Variants in CSMD3 observed in about 807,000 individuals in gnomAD.
The protein encoded by CSMD3 is CUB and sushi domain-containing protein 3.
Under a neutral mutation model 435.2 loss-of-function variants are expected in CSMD3, and 177 were observed. The observed-to-expected ratio is 0.41, with a 90% CI of 0.36 to 0.46. The LOEUF is 0.46. Ranked by LOEUF, CSMD3 falls within the 20% of genes least tolerant of loss-of-function variation. The pLI is 0.34. For synonymous variants in CSMD3, 1,656 were observed against 1,520.5 expected, an observed-to-expected ratio of 1.09 and a Z score of -2.07; for missense variants, 4,265 against 4,504.6, an observed-to-expected ratio of 0.95 and a Z score of 1.52.
At chr8:112,745,416 A>G (rs1028899994) in intron 13 of CSMD3, among the ~76,000 whole-genome samples, 8 of 152,080 alleles carry the variant, frequency 5.3e-5, no homozygotes, top group Non-Finnish European at 8.8e-5. Context: ...TATTTTTTCA[A>G]ATGTAAAAAA....
intron 4 of CSMD3, among the ~76,000 whole-genome samples, chr8:113,119,116 T>C (rs1318852975): frequency 6.6e-6 from 1 of 152,154 alleles, no homozygotes; most frequent in Non-Finnish European, 1.5e-5. Context: ...AGGCTACCTC[T>C]CACTCTGCTC....
chr8:112,375,010 T>C (rs72674755), intron 38 of CSMD3, among the ~76,000 whole-genome samples: 27,931 of 152,068 alleles, frequency 0.18, 3,076 homozygotes, highest in Middle Eastern at 0.35. Flanking sequence ...CTCTGGACCA[T>C]TAGGAGAGTT....
At chr8:113,290,691 A>G (rs1045107986) in intron 2 of CSMD3, among the ~76,000 whole-genome samples, 1 of 151,690 alleles carries the variant, frequency 6.6e-6, no homozygotes, top group Admixed American at 6.6e-5. Context: ...ATGAGAATGC[A>G]GTGACATGGA....
chr8:113,138,677 A>G (rs1372140227), intron 4 of CSMD3, among the ~76,000 whole-genome samples: 1 of 151,340 alleles, frequency 6.6e-6, no homozygotes, highest in Non-Finnish European at 1.5e-5. Context: ...GGGATTTCAG[A>G]TACAGGCAAA....
intron 58 of CSMD3, among the ~76,000 whole-genome samples, chr8:112,284,226 G>C (rs995196140): frequency 3.3e-5 from 5 of 151,602 alleles, no homozygotes; most frequent in African/African-American, 4.8e-5. Flanking sequence ...CTTCAAATTT[G>C]CATTTCTCTA....
chr8:112,658,672 T>C (rs2075309985), intron 17 of CSMD3, among the ~76,000 whole-genome samples: 1 of 152,026 alleles, frequency 6.6e-6, no homozygotes, highest in African/African-American at 2.4e-5. Context: ...AAATTGTCAA[T>C]CTAGGCCAGG....
chr8:113,246,439 T>C (rs2132272191), intron 3 of CSMD3, among the ~76,000 whole-genome samples: 1 of 152,240 alleles, frequency 6.6e-6, no homozygotes, highest in Non-Finnish European at 1.5e-5. Flanking sequence ...TGTATATCTT[T>C]TTATTGTTAT....
At chr8:112,668,479 A>G (rs956601264) in intron 16 of CSMD3, among the ~76,000 whole-genome samples, 1 of 152,160 alleles carries the variant, frequency 6.6e-6, no homozygotes, top group African/African-American at 2.4e-5. Flanking sequence ...ATGGGCCATA[A>G]AGAATTAAAA....
At chr8:112,261,804 T>G (rs1816428308) in intron 61 of CSMD3, among the ~76,000 whole-genome samples, 1 of 152,090 alleles carries the variant, frequency 6.6e-6, no homozygotes, top group African/African-American at 2.4e-5. Context: ...GTACTCCATA[T>G]CCTCACTAAT....
At chr8:112,631,697 T>A (rs13259943) in intron 22 of CSMD3, among the ~76,000 whole-genome samples, 73,833 of 151,792 alleles carry the variant, frequency 0.49, 18,523 homozygotes, top group African/African-American at 0.58. Flanking sequence ...GAAGCTTTTA[T>A]ATTGTTAAGC....
chr8:112,255,193 T>C, intron 62 of CSMD3, 61 bp downstream of exon 62: 1 of 1,386,128 alleles, frequency 7.2e-7, no homozygotes, highest in East Asian at 2.3e-5. Context: ...AGAAAACCAT[T>C]AAATGTCACC....
At chr8:112,687,094 A>C (rs2076029532) in intron 14 of CSMD3, among the ~76,000 whole-genome samples, 2 of 152,106 alleles carry the variant, frequency 1.3e-5, no homozygotes, top group Non-Finnish European at 2.9e-5. Flanking sequence ...TTAGTATGAC[A>C]AAGGATATGA....
chr8:113,366,134 G>A (rs67786444), intron 1 of CSMD3, among the ~76,000 whole-genome samples: 14,911 of 151,840 alleles, frequency 0.098, 846 homozygotes, highest in Middle Eastern at 0.16. Flanking sequence ...AGTATTTTAG[G>A]CAACATTACC....
At chr8:112,517,634 C>T (rs190049305) in intron 27 of CSMD3, among the ~76,000 whole-genome samples, 55 of 151,788 alleles carry the variant, frequency 3.6e-4, no homozygotes, top group African/African-American at 1.3e-3. Context: ...TTAATGAAAA[C>T]GATATCAGAA....
At chr8:112,447,355 T>C (rs1815721547) in intron 32 of CSMD3, among the ~76,000 whole-genome samples, 1 of 152,192 alleles carries the variant, frequency 6.6e-6, no homozygotes, top group African/African-American at 2.4e-5. Context: ...TTTTAATTCA[T>C]GGCCTATTTT....
chr8:112,598,679 C>T (rs1430370611), intron 22 of CSMD3, among the ~76,000 whole-genome samples: 2 of 149,348 alleles, frequency 1.3e-5, no homozygotes, highest in African/African-American at 4.9e-5. Flanking sequence ...AGATATAGAT[C>T]AATGGAACAG....
intron 2 of CSMD3, among the ~76,000 whole-genome samples, chr8:113,308,369 C>G (rs1416827053): frequency 1.4e-5 from 2 of 141,434 alleles, no homozygotes; most frequent in African/African-American, 5.2e-5. Flanking sequence ...CCCGGGTTCA[C>G]GCCATTCTCC....
intron 9 of CSMD3, among the ~76,000 whole-genome samples, chr8:112,926,695 A>G (rs1398212683): frequency 6.6e-6 from 1 of 152,112 alleles, no homozygotes; most frequent in Non-Finnish European, 1.5e-5. Context: ...TAGTGAATCT[A>G]TAATTTTATT....
At chr8:112,310,915 A>G (rs1821919514) in intron 50 of CSMD3, 63 bp downstream of exon 50, 1 of 1,396,480 alleles carries the variant, frequency 7.2e-7, no homozygotes, top group Admixed American at 1.7e-5. Flanking sequence ...ATCCAAATAA[A>G]AACGTTAAAT....
Sources: gnomAD v4.1 joint callset for allele counts (sites outside exome capture counted in the v4.1 genomes callset) on GRCh38, gnomAD v4.1.1 for gene constraint, MANE v1.5 for transcripts, NCBI Gene and HGNC (gene_info 2026-07-23, HGNC 2026-07-21) for gene names.